The following CDK5RAP2 variants were observed in gnomAD, a reference collection of about 807,000 sequenced individuals.
The protein encoded by CDK5RAP2 is CDK5 regulatory subunit associated protein 2, also known as CDK5 regulatory subunit-associated protein 2.
Under a neutral mutation model 232.9 loss-of-function variants are expected in CDK5RAP2, and 147 were observed. The ratio of observed to expected loss-of-function variants is 0.63; its 90% CI spans 0.55 to 0.72. The LOEUF is 0.72. Ranked by LOEUF, CDK5RAP2 falls within the 30% of genes least tolerant of loss-of-function variation. The pLI is 0.00. For synonymous variants in CDK5RAP2, 833 were observed against 833.7 expected, an observed-to-expected ratio of 1.00 and a Z score of 0.01; for missense variants, 2,195 against 2,231.5, an observed-to-expected ratio of 0.98 and a Z score of 0.33.
rs561173866 is a variant in CDK5RAP2, at chr9:120,403,538, C to T, written c.5042-467G>A. 5.5e-5 allele frequency: 15 copies of T among 273,412 alleles called. No individual in the cohort carries two copies. The highest frequency in any genetic ancestry group is 7.8e-5 in the Non-Finnish European group (11 of 141,170). The allele number at this position is 273,412 out of a possible 1,614,324, so 16.9% of individuals were successfully genotyped here. On this transcript the variant is annotated intron_variant, in intron 33 of 37. Coordinates refer to ENST00000349780, the MANE Select transcript of CDK5RAP2 (RefSeq NM_018249.6). The surrounding 1 kb of genome is among the most constrained non-coding windows in gnomAD (Gnocchi z 4.2). ...GATTGAGCAAGTAGCAAGAATTACA[C>T]GAATGATGAGTCATTCTGACCAAGG...
chr9:120,414,340 C>A (rs570445652), intron 28 of CDK5RAP2, among the ~76,000 whole-genome samples: 4 of 152,264 alleles, frequency 2.6e-5, no homozygotes, highest in East Asian at 1.9e-4. Flanking sequence ...TTTCTGAGTG[C>A]GCCAAGCTGC....
At chr9:120,572,073 C>T in intron 1 of CDK5RAP2, 32 bp from the exon 2 acceptor site, 1 of 1,522,236 alleles carries the variant, frequency 6.6e-7, no homozygotes, top group Non-Finnish European at 9.1e-7. Context: ...AAGAGATGAG[C>T]TAATGTTTGA....
rs368226462 is a variant in CDK5RAP2 at position 120,389,225 on chromosome 9, G to C, written c.*11C>G. Reference sequence around the variant, plus strand: ...GGGGGAAGCACAAGCTTTATTGGCTGAAAGTTCTTCTCAGGAGCCTGGTCT... The same window carrying C: ...GGGGGAAGCACAAGCTTTATTGGCTCAAAGTTCTTCTCAGGAGCCTGGTCT... On this transcript the variant is annotated 3_prime_UTR_variant, in exon 38 of 38. Coordinates refer to ENST00000349780, the MANE Select transcript of CDK5RAP2 (RefSeq NM_018249.6). 110 of 1,610,374 alleles carry C rather than the reference G, an allele frequency of 6.8e-5. No individual in the cohort carries two copies. Among genetic ancestry groups the C allele is most frequent in the Non-Finnish European group, 8.9e-5 (105 of 1,177,976 alleles).
At chr9:120,510,547 C>T (rs2040030342) in intron 12 of CDK5RAP2, among the ~76,000 whole-genome samples, 1 of 152,144 alleles carries the variant, frequency 6.6e-6, no homozygotes, top group African/African-American at 2.4e-5. Flanking sequence ...TCACCCTTCA[C>T]CAAACACACA....
chr9:120,489,488 T>C (rs1460390873), intron 13 of CDK5RAP2, among the ~76,000 whole-genome samples: 1 of 152,234 alleles, frequency 6.6e-6, no homozygotes, highest in African/African-American at 2.4e-5. Context: ...TTTGGACCTC[T>C]TGTATCAAGC....
At chr9:120,442,325 A>C (rs1401823560) in intron 23 of CDK5RAP2, among the ~76,000 whole-genome samples, 1 of 152,210 alleles carries the variant, frequency 6.6e-6, no homozygotes, top group Non-Finnish European at 1.5e-5. Context: ...GTGCATGAGC[A>C]AAGAGAGAGA....
At chr9:120,509,220 T>G (rs1419150820) in intron 12 of CDK5RAP2, among the ~76,000 whole-genome samples, 1 of 152,172 alleles carries the variant, frequency 6.6e-6, no homozygotes, top group African/African-American at 2.4e-5. Context: ...GGAAGAAATT[T>G]ATAGCTTTGG....
chr9:120,403,495 G>A lies in CDK5RAP2; in HGVS notation c.5042-424C>T. 1 of 281,476 alleles carries A rather than the reference G, an allele frequency of 3.6e-6. No individual in the cohort carries two copies. Among genetic ancestry groups the A allele is most frequent in the Non-Finnish European group, 6.8e-6 (1 of 146,254 alleles). 17.4% of individuals were successfully genotyped at this position (281,476 alleles called of 1,614,324 possible). On this transcript the variant is annotated intron_variant, in intron 33 of 37. Coordinates refer to ENST00000349780, the MANE Select transcript of CDK5RAP2 (RefSeq NM_018249.6). The surrounding 1 kb of genome is among the most constrained non-coding windows in gnomAD (Gnocchi z 4.2). ...AGAGAACAGGGAAGGCTTCTGAGAA[G>A]GAGCAGCATTTGAACTGGATTGAGC...
intron 18 of CDK5RAP2, among the ~76,000 whole-genome samples, chr9:120,465,791 A>G (rs2037346318): frequency 6.6e-6 from 1 of 152,198 alleles, no homozygotes; most frequent in African/African-American, 2.4e-5. Flanking sequence ...ATCACTAGAA[A>G]TAACCTACAT....
intron 7 of CDK5RAP2, 102 bp downstream of exon 7, chr9:120,536,270 C>G (rs1287166596): frequency 1.5e-6 from 2 of 1,303,256 alleles, no homozygotes. Flanking sequence ...CTATGGGAAA[C>G]ATGGGGAGAA....
intron 9 of CDK5RAP2, 33 bp downstream of exon 9, chr9:120,528,711 T>C: frequency 7.3e-7 from 1 of 1,365,664 alleles, no homozygotes. Context: ...AGGCTAAATC[T>C]TCAATACATT....
chr9:120,579,903 C>T lies in CDK5RAP2; in HGVS notation c.59+17G>A, dbSNP rs376085979. ...ACCCCGGCCCGGTTACCACGACCAC[C>T]AATGCCCCGGCCGCACCTGCAGCCG... On this transcript the variant is annotated intron_variant, in intron 1 of 37. Transcript: ENST00000349780. The T allele has an allele frequency of 3.7e-6, 6 of 1,608,234 alleles. No homozygotes were observed. The highest frequency in any genetic ancestry group is 5.1e-6 in the Non-Finnish European group (6 of 1,174,716).
chr9:120,453,671 C>T lies in CDK5RAP2; in HGVS notation c.2578G>A (p.Ala860Thr). The T allele has an allele frequency of 6.2e-7, 1 of 1,614,192 alleles. No individual in the cohort carries two copies. Among genetic ancestry groups the T allele is most frequent in the Non-Finnish European group, 8.5e-7 (1 of 1,180,032 alleles). Residue 860 changes from alanine to threonine, a missense_variant, in exon 21 of 38, where the codon GCA becomes ACA. Transcript: ENST00000349780. Reference protein sequence around the residue: ...KLSCEAQLVKAGEVPKVGLKD... With the variant: ...KLSCEAQLVKTGEVPKVGLKD... ...AGTCCTACCTTGGGCACTTCGCCTG[C>T]CTTTACTAGCTGGGCCTCACAAGAC...
At chr9:120,482,706 C>T (rs574523102) in intron 14 of CDK5RAP2, among the ~76,000 whole-genome samples, 3 of 152,280 alleles carry the variant, frequency 2.0e-5, no homozygotes, top group Admixed American at 1.3e-4. Flanking sequence ...ACAAATCAAA[C>T]GCTGCCACAA....
intron 13 of CDK5RAP2, among the ~76,000 whole-genome samples, chr9:120,490,144 C>T (rs2038824952): frequency 6.6e-6 from 1 of 152,198 alleles, no homozygotes; most frequent in South Asian, 2.1e-4. Flanking sequence ...ATTTGATAAA[C>T]TCAGGCCATC....
At chr9:120,554,694 C>T (rs1241897512) in intron 3 of CDK5RAP2, among the ~76,000 whole-genome samples, 1 of 152,022 alleles carries the variant, frequency 6.6e-6, no homozygotes, top group Admixed American at 6.6e-5. Context: ...AGTGCAATGG[C>T]GTAATCTTGG....
chr9:120,415,186 T>G, intron 27 of CDK5RAP2, 27 bp from the exon 28 acceptor site: 1 of 1,612,804 alleles, frequency 6.2e-7, no homozygotes, highest in Non-Finnish European at 8.5e-7. Context: ...ATTTTTAATT[T>G]AAAGTCTGAA....
intron 11 of CDK5RAP2, among the ~76,000 whole-genome samples, chr9:120,521,715 G>A (rs754758612): frequency 1.2e-4 from 18 of 144,504 alleles, no homozygotes; most frequent in Non-Finnish European, 2.1e-4. Flanking sequence ...GCGCGATCTC[G>A]GCTCACTGCA....
chr9:120,478,693 A>T (rs961092186), intron 14 of CDK5RAP2, among the ~76,000 whole-genome samples: 1 of 152,188 alleles, frequency 6.6e-6, no homozygotes, highest in Non-Finnish European at 1.5e-5. Context: ...AGACAGGAGG[A>T]TCCCTTGAGC....
Sources: allele counts gnomAD v4.1 joint callset (sites outside exome capture counted in the v4.1 genomes callset), GRCh38; gene constraint gnomAD v4.1.1; non-coding constraint Gnocchi (gnomAD v3.1); transcripts MANE v1.5; gene names NCBI Gene and HGNC (gene_info 2026-07-23, HGNC 2026-07-21).